Variants in EXOC6B observed in about 807,000 individuals in gnomAD.
EXOC6B encodes SEC15 homolog B.
Under a neutral mutation model 113.5 loss-of-function variants are expected in EXOC6B, and 54 were observed. That is an observed-to-expected ratio of 0.48 (90% CI 0.38 to 0.60). The LOEUF is 0.60. EXOC6B is among the 20% of genes least tolerant of loss of function. The pLI, the probability that EXOC6B is intolerant of heterozygous loss-of-function variation, is 0.00. For synonymous variants in EXOC6B, 357 were observed against 339.0 expected (o/e 1.05, Z -0.58); for missense variants, 797 against 977.5 (o/e 0.82, Z 2.46).
intron 1 of EXOC6B, among the ~76,000 whole-genome samples, chr2:72,779,025 T>C (rs903990045): frequency 1.3e-5 from 2 of 152,068 alleles, no homozygotes; most frequent in African/African-American, 4.8e-5. Context: ...ACAGTATTTA[T>C]AAAAACAATA....
chr2:72,788,493 A>G (rs1302227578), intron 1 of EXOC6B, among the ~76,000 whole-genome samples: 3 of 152,156 alleles, frequency 2.0e-5, no homozygotes, highest in South Asian at 2.1e-4. Context: ...ATCCTTCAGG[A>G]ATATCAAGAA....
At chr2:72,286,108 A>G (rs753631720) in intron 20 of EXOC6B, among the ~76,000 whole-genome samples, 17 of 152,024 alleles carry the variant, frequency 1.1e-4, no homozygotes, top group Non-Finnish European at 2.1e-4. Context: ...AACTAAACAT[A>G]CTCTCACCAT....
chr2:72,722,643 C>G (rs1182242994), intron 5 of EXOC6B, among the ~76,000 whole-genome samples: 1 of 152,090 alleles, frequency 6.6e-6, no homozygotes, highest in Non-Finnish European at 1.5e-5. Context: ...CAATACAATT[C>G]ACATGGTTTA....
chr2:72,196,745 ATTT>A (rs1267309458), intron 20 of EXOC6B, among the ~76,000 whole-genome samples: 1 of 152,164 alleles, frequency 6.6e-6, no homozygotes, highest in Non-Finnish European at 1.5e-5. Flanking sequence ...GTGGTGGTAT[ATTT>A]GTTACTTCCT....
At position 72,501,837 on chromosome 2, in the gene EXOC6B, G is replaced by A. The variant is rs112873956; in HGVS notation, c.1168-1865C>T. On this transcript the variant is annotated intron_variant, in intron 11 of 21. Coordinates refer to ENST00000272427, the MANE Select transcript of EXOC6B (RefSeq NM_015189.3). ...TGCAGTGGCAGGATCATAGCTCACT[G>A]CAGCCTTGACCCCCTGGGTTCAAGC... Among the ~76,000 whole-genome samples the A allele has an allele frequency of 3.3e-3, 495 of 150,322 alleles. 2 individuals carry two copies. Among genetic ancestry groups the A allele is most frequent in the African/African-American group, 0.012 (472 of 40,772 alleles).
intron 11 of EXOC6B, among the ~76,000 whole-genome samples, chr2:72,501,299 T>C (rs1700308554): frequency 6.6e-6 from 1 of 152,044 alleles, no homozygotes; most frequent in Non-Finnish European, 1.5e-5. Context: ...TGGGAGCTAG[T>C]TGTTTAAAGA....
At chr2:72,824,874 T>C (rs1372698326) in intron 1 of EXOC6B, among the ~76,000 whole-genome samples, 2 of 152,140 alleles carry the variant, frequency 1.3e-5, no homozygotes, top group East Asian at 3.9e-4. Context: ...GTTAAGTGTC[T>C]GGGTCCAGGC....
At chr2:72,391,711 T>TGTCTC (rs2105114073) in intron 18 of EXOC6B, among the ~76,000 whole-genome samples, 1 of 152,204 alleles carries the variant, frequency 6.6e-6, no homozygotes, top group African/African-American at 2.4e-5. Context: ...GTGTTCCACC[T>TGTCTC]ATCTCATATG....
intron 18 of EXOC6B, among the ~76,000 whole-genome samples, chr2:72,436,224 C>T (rs1209085387): frequency 6.6e-6 from 1 of 152,132 alleles, no homozygotes; most frequent in Non-Finnish European, 1.5e-5. Flanking sequence ...TGAATATTGG[C>T]CCCCACTCTC....
intron 20 of EXOC6B, among the ~76,000 whole-genome samples, chr2:72,194,158 G>C (rs1240986891): frequency 1.3e-5 from 2 of 152,256 alleles, no homozygotes; most frequent in East Asian, 1.9e-4. Context: ...AATGGCTTTA[G>C]AGAGACCCTT....
chr2:72,326,465 T>C (rs1373786996), intron 20 of EXOC6B, among the ~76,000 whole-genome samples: 1 of 152,060 alleles, frequency 6.6e-6, no homozygotes, highest in African/African-American at 2.4e-5. Context: ...CGTGAGAGGA[T>C]TGACAATGCT....
chr2:72,328,200 T>G (rs7564660), intron 20 of EXOC6B, among the ~76,000 whole-genome samples: 4,069 of 152,166 alleles, frequency 0.027, 198 homozygotes, highest in African/African-American at 0.092. Flanking sequence ...GGCAATACAA[T>G]TTTAGCAAAA....
intron 20 of EXOC6B, among the ~76,000 whole-genome samples, chr2:72,268,377 G>A (rs949675718): frequency 1.3e-5 from 2 of 152,098 alleles, no homozygotes; most frequent in Non-Finnish European, 2.9e-5. Context: ...CTCCCAAAGT[G>A]TTTGGGTTAC....
intron 1 of EXOC6B, among the ~76,000 whole-genome samples, chr2:72,771,219 A>ATAAGAAT (rs1573770424): frequency 2.6e-5 from 4 of 152,214 alleles, no homozygotes; most frequent in Non-Finnish European, 5.9e-5. Flanking sequence ...CTTCTAAGAT[A>ATAAGAAT]TTCATTATAT....
At chr2:72,448,085 G>A (rs1038046714) in intron 18 of EXOC6B, among the ~76,000 whole-genome samples, 3 of 152,024 alleles carry the variant, frequency 2.0e-5, no homozygotes, top group African/African-American at 4.8e-5. Flanking sequence ...GCCATTTAAG[G>A]CATTCATGTT....
intron 20 of EXOC6B, among the ~76,000 whole-genome samples, chr2:72,198,630 G>C (rs1464791274): frequency 6.6e-6 from 1 of 152,128 alleles, no homozygotes; most frequent in East Asian, 1.9e-4. Context: ...ATGAATTTAA[G>C]TCTCTTTAAC....
chr2:72,405,440 G>C (rs1208963592), intron 18 of EXOC6B, among the ~76,000 whole-genome samples: 1 of 152,152 alleles, frequency 6.6e-6, no homozygotes, highest in Non-Finnish European at 1.5e-5. Context: ...AAATGTTAAG[G>C]GCAGCCAGAG....
At chr2:72,810,790 A>G (rs1434140930) in intron 1 of EXOC6B, among the ~76,000 whole-genome samples, 1 of 152,204 alleles carries the variant, frequency 6.6e-6, no homozygotes, top group African/African-American at 2.4e-5. Flanking sequence ...AGAAAACAAT[A>G]GGCCAGGCAT....
chr2:72,490,194 T>G (rs1233565058), intron 16 of EXOC6B, among the ~76,000 whole-genome samples: 2 of 152,160 alleles, frequency 1.3e-5, no homozygotes, highest in African/African-American at 4.8e-5. Flanking sequence ...TGGAAGGCAG[T>G]ACAATACAGT....
Sources: gnomAD v4.1 joint callset for allele counts (sites outside exome capture counted in the v4.1 genomes callset) on GRCh38, gnomAD v4.1.1 for gene constraint, MANE v1.5 for transcripts, NCBI Gene and HGNC (gene_info 2026-07-23, HGNC 2026-07-21) for gene names.